Variants in WNK1 observed in about 807,000 individuals in gnomAD.
WNK1 encodes the protein WNK lysine deficient protein kinase 1, also known as serine/threonine-protein kinase WNK1.
WNK1 carries 38 observed loss-of-function variants against 222.8 expected under a neutral mutation model. That is an observed-to-expected ratio of 0.17 (90% CI 0.13 to 0.22). The LOEUF (loss-of-function observed/expected upper bound fraction) is 0.22, where lower values mean the gene tolerates loss of function less well. Ranked by LOEUF, WNK1 falls within the 10% of genes least tolerant of loss-of-function variation. The probability of loss-of-function intolerance (pLI) is 1.00; values close to 1 mark genes in which losing one functional copy is unlikely to be tolerated. For synonymous variants in WNK1, 1,090 were observed against 1,092.9 expected (o/e 1.00, Z 0.05); for missense variants, 2,348 against 2,918.4 (o/e 0.80, Z 4.50).
Position 868,526 on chromosome 12 carries a change from A to G in WNK1, c.2140-2739A>G. The G allele has an allele frequency of 6.2e-7, 1 of 1,613,898 alleles. No homozygotes were observed. Among genetic ancestry groups the G allele is most frequent in the Non-Finnish European group, 8.5e-7 (1 of 1,179,794 alleles). ...CCTCTCTAGTATTTCTGCACCTATC[A>G]GTACAGATGCTACACGTTTGAAATT... On this transcript the variant is annotated intron_variant, in intron 8 of 27. Transcript: ENST00000315939.
At position 908,664 on chromosome 12, in the gene WNK1, G is replaced by A. The variant is rs146042595; in HGVS notation, c.7021G>A (p.Gly2341Ser). ...ATTTGGCGCTCAATGGAGTGGGACG[G>A]GTGGCCCAGCACCACAGCCACTTGG... is the stretch of plus-strand genomic sequence containing the variant. Reference protein sequence around the residue: ...TPFGAQWSGTGGPAPQPLGQF... With the variant: ...TPFGAQWSGTSGPAPQPLGQF... The change falls in exon 28 of 28, where the codon GGT becomes AGT. Residue 2341 changes from glycine (G) to serine (S), a missense_variant. Physicochemically the swap from Gly to Ser is moderately conservative, Grantham distance 56. This residue lies in a region of WNK1 where 76 missense variants were observed against 85.7 expected (regional missense o/e 0.89). Transcript: ENST00000315939. 7.4e-4 allele frequency: 1,193 copies of A among 1,614,188 alleles called. 2 individuals carry two copies. Among genetic ancestry groups the A allele is most frequent in the Non-Finnish European group, 9.2e-4 (1,084 of 1,180,042 alleles).
chr12:864,163 A>G (rs1951440594), intron 8 of WNK1, among the ~76,000 whole-genome samples: 1 of 146,354 alleles, frequency 6.8e-6, no homozygotes, highest in African/African-American at 2.6e-5. Context: ...GTGGGAATAC[A>G]GTGGCGTGAT....
intron 8 of WNK1, among the ~76,000 whole-genome samples, chr12:869,642 A>G (rs564086472): frequency 1.3e-5 from 2 of 152,158 alleles, no homozygotes; most frequent in East Asian, 3.8e-4. Context: ...ATAAAAAAAG[A>G]TAGAAAAGGA....
chr12:810,593 T>G (rs1946818022), intron 1 of WNK1, among the ~76,000 whole-genome samples: 1 of 149,014 alleles, frequency 6.7e-6, no homozygotes, highest in Non-Finnish European at 1.5e-5. Flanking sequence ...TTGGAAGGTT[T>G]GCTTCTGGGC....
chr12:892,842 T>G (rs1298839506), intron 22 of WNK1, among the ~76,000 whole-genome samples: 1 of 152,192 alleles, frequency 6.6e-6, no homozygotes, highest in East Asian at 1.9e-4. Context: ...GTACAGCCTC[T>G]GGGGGGATCA....
intron 4 of WNK1, among the ~76,000 whole-genome samples, chr12:838,805 A>T (rs1006490566): frequency 2.0e-5 from 3 of 151,764 alleles, no homozygotes; most frequent in African/African-American, 4.8e-5. Flanking sequence ...TACTTAACTA[A>T]TTTTTTTTCC....
chr12:861,049 A>T lies in WNK1; in HGVS notation c.1657A>T (p.Thr553Ser). 1 of 1,613,818 alleles carries T rather than the reference A, an allele frequency of 6.2e-7. No homozygotes were observed. The highest frequency in any genetic ancestry group is 8.5e-7 in the Non-Finnish European group (1 of 1,179,956). Residue 553 changes from threonine to serine, a missense_variant, in exon 7 of 28, where the codon ACC (threonine) becomes TCC (serine). Physicochemically the swap from Thr to Ser is moderately conservative, Grantham distance 58. Around this residue, in one of 13 missense-constraint regions of WNK1, gnomAD observed 103 missense variants for 111.5 expected, o/e 0.92. Coordinates refer to ENST00000315939, the MANE Select transcript of WNK1 (RefSeq NM_018979.4). The part of the protein sequence containing the change: ...SGYVCEGDHK[T>S]MAKAIKDRVS... ...GTATGTCTGTGAAGGTGATCACAAG[A>T]CCATGGCTAAAGCTATCAAAGACAG...
intron 26 of WNK1, among the ~76,000 whole-genome samples, chr12:901,402 A>G (rs1044814863): frequency 6.6e-5 from 10 of 152,188 alleles, no homozygotes; most frequent in Middle Eastern, 3.2e-3. Flanking sequence ...AAGACCTAAT[A>G]TTTCATCTCT....
rs773071775 is a variant in WNK1, at chr12:897,697, C to A, written c.6448+16C>A. ...CAGCTTTCAGGTAAAAAGCCCTGGA[C>A]TAGGTCAGCCACAGCTGTCCTATCT... On this transcript the variant is annotated intron_variant, in intron 25 of 27. Coordinates refer to ENST00000315939, the MANE Select transcript of WNK1 (RefSeq NM_018979.4). The A allele has an allele frequency of 2.5e-6, 4 of 1,612,604 alleles. No individual in the cohort carries two copies. The highest frequency in any genetic ancestry group is 1.3e-5 in the African/African-American group (1 of 75,018).
chr12:885,641 G>A lies in WNK1; in HGVS notation c.4837G>A (p.Val1613Ile), dbSNP rs1263363844. Residue 1613 changes from valine (V) to isoleucine (I), a missense_variant, in exon 19 of 28, where the codon GTA (valine) becomes ATA (isoleucine). Transcript: ENST00000315939. The stretch of plus-strand genomic sequence containing the variant: ...ACAGCCTGTTGCCAATGTGCCTGCT[G>A]TACAGCAGACACTAATTCATAGTCA... The part of the protein sequence containing the change: ...LVQPVANVPA[V>I]QQTLIHSQPQ... The A allele has an allele frequency of 1.2e-6, 2 of 1,614,032 alleles. No homozygotes were observed. The highest frequency in any genetic ancestry group is 1.7e-6 in the Non-Finnish European group (2 of 1,180,044).
Position 911,086 on chromosome 12 carries a change from C to T in WNK1, c.*2294C>T. On this transcript the variant is annotated 3_prime_UTR_variant, in exon 28 of 28. Transcript: ENST00000315939. The stretch of plus-strand genomic sequence containing the variant: ...CTTTTCACTCATACACAAAAAAAGT[C>T]AGAACTGGTGTTATTTACTGTTGAT... 1 of 389,322 alleles carries T rather than the reference C, an allele frequency of 2.6e-6. No homozygotes were observed. The allele number at this position is 389,322 out of a possible 1,614,324, so 24.1% of individuals were successfully genotyped here.
intron 3 of WNK1, among the ~76,000 whole-genome samples, chr12:828,151 A>G (rs1948507011): frequency 6.6e-6 from 1 of 151,068 alleles, no homozygotes; most frequent in African/African-American, 2.4e-5. Context: ...TACAAAAAAA[A>G]AAAAATTAGC....
rs150270251 is a variant in WNK1, at chr12:827,659, G to C, written c.1153+397G>C. 5.3e-3 allele frequency among the ~76,000 whole-genome samples: 801 copies of C among 152,190 alleles called. 10 individuals are homozygous for C. Among genetic ancestry groups the C allele is most frequent in the African/African-American group, 0.019 (772 of 41,530 alleles). ...TTCTTGTGCCTCAGCCTCCCGAGTA[G>C]CTGGGATTACAGGCATGCATCACCA... On this transcript the variant is annotated intron_variant, in intron 3 of 27. Transcript: ENST00000315939. This position sits in a 1 kb window ranked among gnomAD's most constrained non-coding sequence, Gnocchi z 4.6.
intron 1 of WNK1, among the ~76,000 whole-genome samples, chr12:795,117 C>T (rs75577375): frequency 0.034 from 5,239 of 152,062 alleles, 309 homozygotes; most frequent in African/African-American, 0.12. Flanking sequence ...TAATACTGGC[C>T]TCATAGAATT....
rs750299539 is a variant in WNK1 at position 859,493 on chromosome 12, G to A, written c.1620+29G>A. On this transcript the variant is annotated intron_variant, in intron 6 of 27. Transcript: ENST00000315939. ...AATTGACATTAGCCATTTTAAAATTGATTTAGACTTATATATATCAATACT... is the reference window on the plus strand; with the variant it reads ...AATTGACATTAGCCATTTTAAAATTAATTTAGACTTATATATATCAATACT... 2.6e-6 allele frequency: 4 copies of A among 1,548,732 alleles called. No homozygotes were observed. In the South Asian group the frequency reaches 4.5e-5, roughly 17 times the overall value.
chr12:779,180 G>T (rs1391706478), intron 1 of WNK1, among the ~76,000 whole-genome samples: 1 of 152,094 alleles, frequency 6.6e-6, no homozygotes, highest in Admixed American at 6.5e-5. Context: ...GTTGAATAAT[G>T]TACTCATTTT....
intron 12 of WNK1, among the ~76,000 whole-genome samples, chr12:881,221 G>A (rs1255883484): frequency 6.6e-6 from 1 of 152,142 alleles, no homozygotes; most frequent in African/African-American, 2.4e-5. Flanking sequence ...TGGAGAAGAT[G>A]AACCCTATTA....
At chr12:859,528 C>G in intron 6 of WNK1, 64 bp downstream of exon 6, 1 of 1,329,644 alleles carries the variant, frequency 7.5e-7, no homozygotes, top group Non-Finnish European at 1.1e-6. Context: ...TATCATTAAG[C>G]AAAAAAGCAG....
At chr12:775,639 C>G (rs910408431) in intron 1 of WNK1, among the ~76,000 whole-genome samples, 4 of 152,120 alleles carry the variant, frequency 2.6e-5, no homozygotes, top group African/African-American at 9.7e-5. Context: ...TCGTGCCACT[C>G]TACTCTAGCC....
Sources: allele counts gnomAD v4.1 joint callset (sites outside exome capture counted in the v4.1 genomes callset), GRCh38; gene constraint gnomAD v4.1.1; regional missense constraint gnomAD v4.1.1; non-coding constraint Gnocchi (gnomAD v3.1); transcripts MANE v1.5; gene names NCBI Gene and HGNC (gene_info 2026-07-23, HGNC 2026-07-21).